The following CXCL17 variants were observed in gnomAD, a reference collection of about 807,000 sequenced individuals.
CXCL17 encodes C-X-C motif chemokine 17.
A neutral mutation model predicts 15.5 loss-of-function variants in CXCL17; 9 were observed. The ratio of observed to expected loss-of-function variants is 0.58; its 90% CI spans 0.35 to 1.01. The LOEUF (loss-of-function observed/expected upper bound fraction) is 1.01. CXCL17 is among the 50% of genes least tolerant of loss of function. The probability of loss-of-function intolerance (pLI) is 0.02; values close to 1 mark genes in which losing one functional copy is unlikely to be tolerated. For missense variants in CXCL17, 133 were observed against 138.2 expected (o/e 0.96, Z 0.19); for synonymous variants, 52 against 52.3 (o/e 0.99, Z 0.02).
At chr19:42,438,526 C>A (rs1016568959) in intron 1 of CXCL17, among the ~76,000 whole-genome samples, 2 of 150,702 alleles carry the variant, frequency 1.3e-5, no homozygotes, top group Non-Finnish European at 1.5e-5. Context: ...CCACTGTTGG[C>A]GGGTAACTGA....
intron 3 of CXCL17, among the ~76,000 whole-genome samples, chr19:42,431,798 C>T (rs2040784326): frequency 6.6e-6 from 1 of 152,014 alleles, no homozygotes; most frequent in Admixed American, 6.6e-5. Context: ...GCCTCAGCCT[C>T]CTGAGTAGCT....
intron 1 of CXCL17, among the ~76,000 whole-genome samples, chr19:42,438,421 A>T (rs999626998): frequency 8.4e-5 from 12 of 142,492 alleles, no homozygotes; most frequent in Non-Finnish European, 1.8e-4. Flanking sequence ...ACACACACAC[A>T]CACACACACA....
At chr19:42,442,071 CATT>C in intron 1 of CXCL17, among the ~76,000 whole-genome samples, 1 of 152,236 alleles carries the variant, frequency 6.6e-6, no homozygotes, top group Non-Finnish European at 1.5e-5. Context: ...CCACCATCAT[CATT>C]AAGTTTAGCC....
intron 1 of CXCL17, among the ~76,000 whole-genome samples, chr19:42,440,410 A>G (rs941188723): frequency 6.6e-6 from 1 of 152,174 alleles, no homozygotes; most frequent in Admixed American, 6.5e-5. Flanking sequence ...TCCTTTAGCC[A>G]CTAAGTAGCT....
chr19:42,436,641 A>G (rs1026858622), intron 1 of CXCL17, among the ~76,000 whole-genome samples: 1 of 152,222 alleles, frequency 6.6e-6, no homozygotes, highest in African/African-American at 2.4e-5. Flanking sequence ...GCATGTAAAC[A>G]CATTCTCTTT....
intron 1 of CXCL17, among the ~76,000 whole-genome samples, chr19:42,438,410 TAC>T (rs145217809): frequency 0.15 from 13,422 of 89,260 alleles, 995 homozygotes; most frequent in African/African-American, 0.26. Flanking sequence ...ATATATAAAA[TAC>T]ACACACACAC....
chr19:42,428,824 G>T lies in CXCL17; in HGVS notation c.*60C>A. 1 of 1,219,020 alleles carries T rather than the reference G, an allele frequency of 8.2e-7. No homozygotes were observed. The highest frequency in any genetic ancestry group is 1.2e-6 in the Non-Finnish European group (1 of 819,724). 75.5% of individuals were successfully genotyped at this position (1,219,020 alleles called of 1,614,324 possible). On this transcript the variant is annotated 3_prime_UTR_variant, in exon 4 of 4. Coordinates refer to ENST00000601181, the MANE Select transcript of CXCL17 (RefSeq NM_198477.3). ...GTGGGAGAAGAAGAGTGTCTGGTAG[G>T]TGTGCTCACTGTCTTCTTGGCTGAG...
intron 1 of CXCL17, 105 bp downstream of exon 1, chr19:42,442,649 T>C: frequency 1.3e-6 from 1 of 772,010 alleles, no homozygotes; most frequent in Non-Finnish European, 2.2e-6. Context: ...AAAGGCTCAC[T>C]TGCCCCATCC....
intron 3 of CXCL17, among the ~76,000 whole-genome samples, chr19:42,429,391 C>T (rs1008330374): frequency 1.3e-5 from 2 of 151,630 alleles, no homozygotes; most frequent in South Asian, 2.1e-4. Flanking sequence ...TGCAGTGGTG[C>T]AATCTTGGCT....
In CXCL17 at chr19:42,428,993, A is replaced by G. The variant is rs1187308939; in HGVS notation, c.263-12T>C. On this transcript the variant is annotated splice_polypyrimidine_tract_variant and intron_variant, in intron 3 of 3. Transcript: ENST00000601181. ...GTGCCTTTGGTGTCCTAGGGTGCAAATAAAGGGGAGAGGCTAGTGTTAAAA... is the reference window on the plus strand; with the variant it reads ...GTGCCTTTGGTGTCCTAGGGTGCAAGTAAAGGGGAGAGGCTAGTGTTAAAA... 2 of 1,602,250 alleles carry G rather than the reference A, an allele frequency of 1.2e-6. No individual in the cohort carries two copies. Among genetic ancestry groups the G allele is most frequent in the East Asian group, 2.2e-5 (1 of 44,830 alleles).
At position 42,433,087 on chromosome 19, in the gene CXCL17, C is replaced by G; in HGVS notation, c.161-10G>C. The G allele has an allele frequency of 1.3e-6, 2 of 1,591,848 alleles. No individual in the cohort carries two copies. The highest frequency in any genetic ancestry group is 1.7e-6 in the Non-Finnish European group (2 of 1,160,352). On this transcript the variant is annotated splice_polypyrimidine_tract_variant and intron_variant, in intron 2 of 3. Transcript: ENST00000601181. ...GCTCTCAGGAACCAATCTGGAACAACAGCATTGCTGCTTAGATGGGAGAGT... is the reference window on the plus strand; with the variant it reads ...GCTCTCAGGAACCAATCTGGAACAAGAGCATTGCTGCTTAGATGGGAGAGT...
chr19:42,429,257 C>T (rs1227355146), intron 3 of CXCL17, among the ~76,000 whole-genome samples: 1 of 151,804 alleles, frequency 6.6e-6, no homozygotes, highest in Non-Finnish European at 1.5e-5. Context: ...GAACTCCTGA[C>T]GTCATGTGAT....
intron 1 of CXCL17, among the ~76,000 whole-genome samples, chr19:42,435,176 C>A (rs1308975684): frequency 7.5e-6 from 1 of 133,244 alleles, no homozygotes; most frequent in Non-Finnish European, 1.5e-5. Flanking sequence ...GAGACACGGT[C>A]TCAAAAAAAA....
chr19:42,433,932 G>C (rs1354641497), intron 1 of CXCL17, 76 bp from the exon 2 acceptor site: 6 of 1,034,914 alleles, frequency 5.8e-6, no homozygotes. Flanking sequence ...GTTCTACCTA[G>C]GTCAGCACAG....
At chr19:42,438,011 A>G (rs144184758) in intron 1 of CXCL17, among the ~76,000 whole-genome samples, 4 of 152,222 alleles carry the variant, frequency 2.6e-5, no homozygotes, top group African/African-American at 9.6e-5. Flanking sequence ...GATAAAGTCT[A>G]ATTTATGAAT....
intron 3 of CXCL17, among the ~76,000 whole-genome samples, chr19:42,431,125 C>G (rs2040776402): frequency 6.6e-6 from 1 of 152,248 alleles, no homozygotes; most frequent in Non-Finnish European, 1.5e-5. Context: ...CAGGCATGAA[C>G]CACTGCACCT....
At chr19:42,435,733 G>A (rs2040828018) in intron 1 of CXCL17, among the ~76,000 whole-genome samples, 1 of 151,922 alleles carries the variant, frequency 6.6e-6, no homozygotes, top group East Asian at 1.9e-4. Flanking sequence ...GGAAGGCTGA[G>A]GCAGGAGAAT....
chr19:42,433,123 G>A, intron 2 of CXCL17, 46 bp from the exon 3 acceptor site: 5 of 1,361,840 alleles, frequency 3.7e-6, no homozygotes, highest in East Asian at 2.3e-5. Context: ...TAATACATTT[G>A]ATAGGAGGGA....
At chr19:42,442,696 T>C (rs2040906500) in intron 1 of CXCL17, 58 bp downstream of exon 1, 4 of 1,231,464 alleles carry the variant, frequency 3.2e-6, no homozygotes, top group Admixed American at 1.7e-5. Flanking sequence ...GATGTGTCTG[T>C]GGCCTGTTTT....
Sources: allele counts gnomAD v4.1 joint callset (sites outside exome capture counted in the v4.1 genomes callset), GRCh38; gene constraint gnomAD v4.1.1; transcripts MANE v1.5; gene names NCBI Gene and HGNC (gene_info 2026-07-23, HGNC 2026-07-21).